Variants in CLCN5 observed in about 807,000 individuals in gnomAD.
The protein encoded by CLCN5 is Cl-/H+ antiporter 5, also known as H(+)/Cl(-) exchange transporter 5.
Under a neutral mutation model 54.0 loss-of-function variants are expected in CLCN5, and 17 were observed. The observed-to-expected ratio is 0.31, with a 90% confidence interval of 0.22 to 0.47. CLCN5 has a LOEUF of 0.47. CLCN5 is among the 20% of genes least tolerant of loss of function. The probability of loss-of-function intolerance (pLI) is 1.00; values close to 1 mark genes in which losing one functional copy is unlikely to be tolerated. For missense variants in CLCN5, 448 were observed against 646.7 expected, an observed-to-expected ratio of 0.69 and a Z score of 3.33; for synonymous variants, 222 against 233.0, an observed-to-expected ratio of 0.95 and a Z score of 0.43.
chrX:50,067,493 C>A (rs782156048), intron 4 of CLCN5: 5 of 473,479 alleles, frequency 1.1e-5, no homozygotes, highest in Non-Finnish European at 1.3e-5. Context: ...CTTCTGTGCC[C>A]GGTTAAAAAT....
intron 6 of CLCN5, 46 bp from the exon 7 acceptor site, chrX:50,075,749 G>A (rs374817989): frequency 1.7e-5 from 19 of 1,114,107 alleles, no homozygotes; most frequent in South Asian, 7.3e-5. Context: ...AACAGTTTCC[G>A]AGATTCAGTT....
In CLCN5 at chrX:50,008,822, G is replaced by T. The variant is rs781899067; in HGVS notation, c.17-33494G>T. 8 of 313,940 alleles carry T rather than the reference G, an allele frequency of 2.5e-5. No individual in the cohort carries two copies. The East Asian group carries it at 8.0e-4, about 31-fold the overall frequency. 25.9% of individuals were successfully genotyped at this position (313,940 alleles called of 1,213,427 possible). A position where few individuals can be genotyped will look rare whatever the true frequency, so the allele number is the denominator to read the frequency against. On this transcript the variant is annotated intron_variant, in intron 3 of 14. Transcript: ENST00000376091. ...TGATCTCACATGGAACTCTGCAGGA[G>T]AAAAGATTCTCTGCCTTTCTGTAAA...
intron 3 of CLCN5, among the ~76,000 whole-genome samples, chrX:50,026,251 T>C (rs1263136409): frequency 8.9e-6 from 1 of 112,429 alleles, no homozygotes; most frequent in East Asian, 2.8e-4. Flanking sequence ...ATGATTTCTG[T>C]TCTTTTAAAT....
At position 50,075,966 on chromosome X, in the gene CLCN5, T is replaced by TCATCAG. The variant is rs1933385485; in HGVS notation, c.590_595dup (p.Ile197_Ser198dup). On this transcript the variant is annotated inframe_insertion, in exon 7 of 15. Coordinates refer to ENST00000376091, the MANE Select transcript of CLCN5 (RefSeq NM_001127898.4). ...GAGTGGAATAGTTGGTCCCAGCTTATCATCAGCACAGATGAGGTAACATGT... is the reference window on the plus strand; with the variant it reads ...GAGTGGAATAGTTGGTCCCAGCTTATCATCAGCATCAGCACAGATGAGGTAACATGT... 1 of 1,207,876 alleles carries TCATCAG rather than the reference T, an allele frequency of 8.3e-7. No individual in the cohort carries two copies. Among genetic ancestry groups the TCATCAG allele is most frequent in the Non-Finnish European group, 1.1e-6 (1 of 892,870 alleles).
chrX:49,988,839 C>T (rs1396505244), intron 3 of CLCN5, among the ~76,000 whole-genome samples: 2 of 110,677 alleles, frequency 1.8e-5, no homozygotes, highest in Non-Finnish European at 3.8e-5. Flanking sequence ...GGGGCTGGCA[C>T]CTGTCCTTGT....
intron 4 of CLCN5, among the ~76,000 whole-genome samples, chrX:50,056,052 G>T (rs1348167799): frequency 1.9e-5 from 2 of 106,482 alleles, no homozygotes; most frequent in Admixed American, 2.1e-4. Flanking sequence ...TATATATATA[G>T]ATATATATAT....
chrX:49,936,876 G>C (rs1185179013), intron 3 of CLCN5, among the ~76,000 whole-genome samples: 1 of 111,848 alleles, frequency 8.9e-6, no homozygotes, highest in Non-Finnish European at 1.9e-5. Flanking sequence ...CAGCATGAGA[G>C]ACCAGTCATG....
chrX:49,932,728 C>T (rs1369805619), intron 3 of CLCN5, among the ~76,000 whole-genome samples: 1 of 112,519 alleles, frequency 8.9e-6, no homozygotes, highest in Non-Finnish European at 1.9e-5. Context: ...GCAAATTACA[C>T]TGTATCTAAT....
chrX:49,932,063 G>A (rs940556866), intron 3 of CLCN5, among the ~76,000 whole-genome samples: 1 of 111,436 alleles, frequency 9.0e-6, no homozygotes, highest in African/African-American at 3.3e-5. Context: ...CTACAGGCAC[G>A]CACCACTATA....
intron 4 of CLCN5, among the ~76,000 whole-genome samples, chrX:50,049,263 G>A (rs1932497650): frequency 8.9e-6 from 1 of 111,898 alleles, no homozygotes; most frequent in Admixed American, 9.4e-5. Flanking sequence ...TTACCATTAT[G>A]TTACAGTTGA....
chrX:50,015,413 C>G (rs1245218312), intron 3 of CLCN5, among the ~76,000 whole-genome samples: 2 of 107,821 alleles, frequency 1.9e-5, no homozygotes, highest in Non-Finnish European at 3.8e-5. Flanking sequence ...ATTACAGACT[C>G]TTCTTGAATT....
At chrX:49,996,316 C>T (rs1557179646) in intron 3 of CLCN5, among the ~76,000 whole-genome samples, 2 of 111,954 alleles carry the variant, frequency 1.8e-5, no homozygotes, top group African/African-American at 3.2e-5. Flanking sequence ...GTTCTCACCT[C>T]TACTCAGCCT....
At chrX:49,940,525 A>G (rs897223838) in intron 3 of CLCN5, among the ~76,000 whole-genome samples, 1 of 112,327 alleles carries the variant, frequency 8.9e-6, no homozygotes, top group Non-Finnish European at 1.9e-5. Flanking sequence ...TTATTAGTGC[A>G]CATGTTTTAA....
chrX:50,089,956 C>T (rs1247760923), intron 12 of CLCN5, among the ~76,000 whole-genome samples, 160 bp from the exon 13 acceptor site: 1 of 111,837 alleles, frequency 8.9e-6, no homozygotes, highest in Non-Finnish European at 1.9e-5. Flanking sequence ...AACTCTGAAT[C>T]GTCTCCATTG....
At chrX:50,067,865 CTT>C in intron 4 of CLCN5, 1 of 274,696 alleles carries the variant, frequency 3.6e-6, no homozygotes, top group Non-Finnish European at 5.0e-6. Context: ...ACTGCCTGCT[CTT>C]TGAGAGGGGC....
chrX:49,952,782 T>C (rs1927107076), intron 3 of CLCN5, among the ~76,000 whole-genome samples: 1 of 111,862 alleles, frequency 8.9e-6, no homozygotes. Context: ...TTTTAAAAAT[T>C]AGAAAACATA....
intron 3 of CLCN5, among the ~76,000 whole-genome samples, chrX:49,969,646 T>A (rs1557175964): frequency 4.5e-5 from 5 of 111,923 alleles, no homozygotes. Flanking sequence ...ATAGTTTGGG[T>A]TCTTTTAAAT....
At chrX:50,084,314 G>A (rs1460774810) in intron 9 of CLCN5, among the ~76,000 whole-genome samples, 2 of 111,941 alleles carry the variant, frequency 1.8e-5, no homozygotes, top group African/African-American at 3.2e-5. Flanking sequence ...TGTTGTATGT[G>A]GTCCATCATT....
chrX:49,999,176 G>A (rs1455297543), intron 3 of CLCN5, among the ~76,000 whole-genome samples: 6 of 110,815 alleles, frequency 5.4e-5, no homozygotes, highest in Middle Eastern at 4.2e-3. Context: ...ATCACCCCAC[G>A]CCTCCTTAGA....
Sources: gnomAD v4.1 joint callset for allele counts (sites outside exome capture counted in the v4.1 genomes callset) on GRCh38, gnomAD v4.1.1 for gene constraint, MANE v1.5 for transcripts, NCBI Gene and HGNC (gene_info 2026-07-23, HGNC 2026-07-21) for gene names.